ZNF676: variants seen among roughly 807,000 people sequenced by gnomAD.
The protein encoded by ZNF676 is zinc finger protein 676.
ZNF676 carries 4 observed loss-of-function variants against 6.0 expected under a neutral mutation model. That is an observed-to-expected ratio of 0.67 (90% CI 0.33 to 1.53). ZNF676 has a LOEUF of 1.53. ZNF676 is among the 40% of genes most tolerant of loss of function. The probability of loss-of-function intolerance (pLI) is 0.06; values close to 1 mark genes in which losing one functional copy is unlikely to be tolerated. For synonymous variants in ZNF676, 198 were observed against 223.1 expected (o/e 0.89, Z 1.00); for missense variants, 644 against 679.7 (o/e 0.95, Z 0.58).
chr19:22,207,917 T>C (rs1406275571), intron 1 of ZNF676, among the ~76,000 whole-genome samples: 2 of 150,828 alleles, frequency 1.3e-5, no homozygotes, highest in Non-Finnish European at 2.9e-5. Flanking sequence ...TGGACCCTTT[T>C]ATAACACCAT....
chr19:22,239,107 CAT>C, the ZNF676 span, among the ~76,000 whole-genome samples: 8 of 151,968 alleles, frequency 5.3e-5, no homozygotes, highest in African/African-American at 1.9e-4. Context: ...GTGAAACAGT[CAT>C]CACCATTTTT....
chr19:22,240,216 C>G, the ZNF676 span, among the ~76,000 whole-genome samples: 1 of 152,188 alleles, frequency 6.6e-6, no homozygotes, highest in South Asian at 2.1e-4. Flanking sequence ...AGGGGCCAGG[C>G]AGAAGAGCCA....
In ZNF676 at chr19:22,210,519, T is replaced by C. The variant is rs112526435; in HGVS notation, c.3+5113A>G. ...AATATACAACCCCCAAAAAGTCAAA[T>C]GGAAGAAAAGTATAGAACCAAGAAA... On this transcript the variant is annotated intron_variant, in intron 1 of 3. Transcript: ENST00000650058. 5.3e-3 allele frequency among the ~76,000 whole-genome samples: 809 copies of C among 152,114 alleles called. 5 individuals are homozygous for C. Among genetic ancestry groups the C allele is most frequent in the African/African-American group, 0.018 (766 of 41,478 alleles).
upstream of ZNF676, among the ~76,000 whole-genome samples, chr19:22,200,107 G>A (rs1354855628): frequency 6.6e-6 from 1 of 152,000 alleles, no homozygotes; most frequent in Non-Finnish European, 1.5e-5. Flanking sequence ...ATGGCACTGG[G>A]GGGTATTGTA....
At chr19:22,234,136 C>T in the ZNF676 span, among the ~76,000 whole-genome samples, 6 of 152,234 alleles carry the variant, frequency 3.9e-5, no homozygotes, top group East Asian at 1.9e-4. Context: ...ACTGGGAAGA[C>T]TTCCCTTCAC....
At chr19:22,181,888 A>G (rs750508120) in intron 2 of ZNF676, among the ~76,000 whole-genome samples, 40 of 152,058 alleles carry the variant, frequency 2.6e-4, no homozygotes, top group Non-Finnish European at 4.9e-4. Context: ...CTGCTCCTCA[A>G]TATTACCTAG....
At chr19:22,259,556 C>T in the ZNF676 span, 3 of 152,178 alleles carry the variant, frequency 2.0e-5, no homozygotes, top group African/African-American at 7.2e-5. Context: ...ATGATTCTTC[C>T]TTTTGTAGAC....
intron 2 of ZNF676, among the ~76,000 whole-genome samples, chr19:22,183,829 TA>T (rs1384718744): frequency 6.6e-5 from 10 of 152,158 alleles, no homozygotes; most frequent in African/African-American, 2.2e-4. Flanking sequence ...TCATATTTTA[TA>T]AAATGCACTT....
the ZNF676 span, among the ~76,000 whole-genome samples, chr19:22,258,217 A>G: frequency 1.7e-4 from 26 of 152,116 alleles, no homozygotes; most frequent in Non-Finnish European, 3.7e-4. Flanking sequence ...TTATGTCACA[A>G]CCTCTTCTAT....
the ZNF676 span, among the ~76,000 whole-genome samples, chr19:22,232,974 C>A: frequency 6.6e-6 from 1 of 151,944 alleles, no homozygotes; most frequent in Non-Finnish European, 1.5e-5. Context: ...CAATAAAATA[C>A]CCAATAATCT....
the ZNF676 span, among the ~76,000 whole-genome samples, chr19:22,222,198 T>C: frequency 6.6e-6 from 1 of 152,092 alleles, no homozygotes; most frequent in Non-Finnish European, 1.5e-5. Flanking sequence ...CTCCACCTCC[T>C]GGCTCAAGTG....
chr19:22,234,962 GAGAAAGAAAGAAAGAA>G, the ZNF676 span, among the ~76,000 whole-genome samples: 6,157 of 101,238 alleles, frequency 0.061, 262 homozygotes, highest in African/African-American at 0.074. Flanking sequence ...AAGAAAGCAA[GAGAAAGAAAGAAAGAA>G]AGAAAGAAAG....
At chr19:22,240,209 G>C in the ZNF676 span, among the ~76,000 whole-genome samples, 1 of 149,890 alleles carries the variant, frequency 6.7e-6, no homozygotes, top group African/African-American at 2.5e-5. Context: ...TGTGGGCAGG[G>C]GCCAGGCAGA....
chr19:22,179,941 T>G lies in ZNF676; in HGVS notation c.*9A>C. The G allele has an allele frequency of 1.2e-6, 2 of 1,611,264 alleles. No individual in the cohort carries two copies. The highest frequency in any genetic ancestry group is 1.7e-6 in the Non-Finnish European group (2 of 1,178,554). ...ATCAGCTGAAGGATTTACCACATTC[T>G]TCACATTTTTAGGGATTCTCTCCAG... is the stretch of plus-strand genomic sequence containing the variant. On this transcript the variant is annotated 3_prime_UTR_variant, in exon 3 of 3. Coordinates refer to ENST00000397121, the MANE Select transcript of ZNF676 (RefSeq NM_001001411.3).
intron 2 of ZNF676, among the ~76,000 whole-genome samples, chr19:22,192,637 T>G (rs867286939): frequency 6.6e-6 from 1 of 152,038 alleles, no homozygotes; most frequent in African/African-American, 2.4e-5. Context: ...ACCACTACTC[T>G]CACACACTTC....
chr19:22,220,000 C>T (rs1038078851), upstream of ZNF676, among the ~76,000 whole-genome samples: 6 of 152,174 alleles, frequency 3.9e-5, no homozygotes, highest in South Asian at 2.1e-4. Flanking sequence ...CCCTCTATCC[C>T]GATTTTGCTG....
the ZNF676 span, among the ~76,000 whole-genome samples, chr19:22,252,370 G>A: frequency 0.93 from 137,477 of 148,334 alleles, 64,649 homozygotes; most frequent in East Asian, 1. Context: ...ATTCCAGCCT[G>A]GGCAACAGAG....
At chr19:22,252,924 G>C in the ZNF676 span, among the ~76,000 whole-genome samples, 1 of 152,166 alleles carries the variant, frequency 6.6e-6, no homozygotes, top group Non-Finnish European at 1.5e-5. Context: ...GCTACATGAA[G>C]GTCCAGAGAT....
chr19:22,197,466 AT>A (rs11340000), upstream of ZNF676, among the ~76,000 whole-genome samples: 64,125 of 148,972 alleles, frequency 0.43, 14,466 homozygotes, highest in African/African-American at 0.59. Context: ...TGTTAATGCA[AT>A]TTTTTTTTTT....
Sources: allele counts gnomAD v4.1 joint callset (sites outside exome capture counted in the v4.1 genomes callset), GRCh38; gene constraint gnomAD v4.1.1; transcripts MANE v1.5; gene names NCBI Gene and HGNC (gene_info 2026-07-23, HGNC 2026-07-21).